The following C3orf52 variants were observed in gnomAD, a reference collection of about 807,000 sequenced individuals.
C3orf52 encodes the protein TPA-induced transmembrane protein.
A neutral mutation model predicts 24.8 loss-of-function variants in C3orf52; 22 were observed. The observed-to-expected ratio is 0.89, with a 90% CI of 0.63 to 1.27. C3orf52 has a LOEUF of 1.27. Ranked by LOEUF, C3orf52 falls within the 50% of genes most tolerant of loss-of-function variation. C3orf52 has a pLI of 0.00. For synonymous variants in C3orf52, 93 were observed against 100.2 expected, an observed-to-expected ratio of 0.93 and a Z score of 0.43; for missense variants, 265 against 260.7, an observed-to-expected ratio of 1.02 and a Z score of -0.11.
At chr3:112,088,292 G>C (rs915262326) in intron 1 of C3orf52, among the ~76,000 whole-genome samples, 1 of 152,180 alleles carries the variant, frequency 6.6e-6, no homozygotes, top group African/African-American at 2.4e-5. Context: ...GTGTATTTCA[G>C]TTAGAAAAGT....
chr3:112,127,825 G>A (rs2074363841), intron 4 of C3orf52, among the ~76,000 whole-genome samples: 1 of 152,114 alleles, frequency 6.6e-6, no homozygotes, highest in Non-Finnish European at 1.5e-5. Flanking sequence ...GAGAGCATGC[G>A]ACCCATGAGA....
intron 3 of C3orf52, among the ~76,000 whole-genome samples, chr3:112,104,492 C>T (rs2074006434): frequency 6.6e-6 from 1 of 152,180 alleles, no homozygotes; most frequent in Non-Finnish European, 1.5e-5. Flanking sequence ...ACATCAGAAT[C>T]AGTTTCTGGG....
intron 2 of C3orf52, among the ~76,000 whole-genome samples, chr3:112,094,967 T>G (rs1252451049): frequency 6.6e-6 from 1 of 152,160 alleles, no homozygotes; most frequent in African/African-American, 2.4e-5. Flanking sequence ...TTCTCAGGAA[T>G]TTTCCTCAGA....
intron 4 of C3orf52, chr3:112,126,917 CAT>C (rs2074333613): frequency 1.9e-6 from 2 of 1,056,576 alleles, no homozygotes; most frequent in Admixed American, 3.6e-5. Flanking sequence ...GCTTTGGGAA[CAT>C]AGAGAAGAAG....
At chr3:112,123,597 T>G in intron 4 of C3orf52, 1 of 1,614,098 alleles carries the variant, frequency 6.2e-7, no homozygotes, top group Non-Finnish European at 8.5e-7. Flanking sequence ...AGAAGGCATA[T>G]GTAGAAGTGA....
rs368126508 is a variant in C3orf52 at position 112,109,580 on chromosome 3, G to C, written c.434G>C (p.Arg145Pro). Residue 145 changes from arginine to proline, a missense_variant, in exon 4 of 6, where the codon CGT (arginine) becomes CCT (proline). By Grantham distance (103) the Arg-to-Pro change is moderately radical. Coordinates refer to ENST00000264848, the MANE Select transcript of C3orf52 (RefSeq NM_024616.3). ...TACAGTACATCGCCCTCTCTGGGTC[G>C]TTATTTTACTTCAGTTGAAATAGTG... ...DVYSTSPSLG[R>P]YFTSVEIVDF... 6.2e-7 allele frequency: 1 copy of C among 1,602,824 alleles called. No individual in the cohort carries two copies. Among genetic ancestry groups the C allele is most frequent in the African/African-American group, 1.3e-5 (1 of 74,648 alleles).
intron 2 of C3orf52, among the ~76,000 whole-genome samples, chr3:112,100,502 C>A (rs2073963079): frequency 6.6e-6 from 1 of 152,146 alleles, no homozygotes; most frequent in Non-Finnish European, 1.5e-5. Flanking sequence ...GGTACAGATT[C>A]ATGATTTGAA....
Position 112,117,284 on chromosome 3 carries a change from A to C in C3orf52, c.*638A>C, listed in dbSNP as rs1032891775. 2.7e-6 allele frequency: 1 copy of C among 367,550 alleles called. No individual in the cohort carries two copies. The highest frequency in any genetic ancestry group is 2.0e-5 in the African/African-American group (1 of 49,602). The allele number at this position is 367,550 out of a possible 1,614,324, so 22.8% of individuals were successfully genotyped here. On this transcript the variant is annotated 3_prime_UTR_variant, in exon 6 of 6. Coordinates refer to ENST00000264848, the MANE Select transcript of C3orf52 (RefSeq NM_024616.3). ...ACCTCAGCAGTGTGGTTCTGTGTCT[A>C]CTTCCATGACCTGTACCTGAGTATC...
downstream of C3orf52, among the ~76,000 whole-genome samples, chr3:112,119,848 G>GCAAC (rs2074171568): frequency 6.6e-6 from 1 of 152,204 alleles, no homozygotes; most frequent in African/African-American, 2.4e-5. Flanking sequence ...CTCACAGTTG[G>GCAAC]GAAATCAAAT....
At chr3:112,113,730 A>T (rs74504939) in intron 5 of C3orf52, among the ~76,000 whole-genome samples, 1 of 152,202 alleles carries the variant, frequency 6.6e-6, no homozygotes, top group African/African-American at 2.4e-5. Context: ...AAGGAAATAG[A>T]TATGTTCTTT....
rs959062757 is a variant in C3orf52 at position 112,117,348 on chromosome 3, T to G, written c.*702T>G. 2 of 215,060 alleles carry G rather than the reference T, an allele frequency of 9.3e-6. No individual in the cohort carries two copies. The highest frequency in any genetic ancestry group is 4.6e-5 in the African/African-American group (2 of 43,860). 13.3% of individuals were successfully genotyped at this position (215,060 alleles called of 1,614,324 possible). On this transcript the variant is annotated 3_prime_UTR_variant, in exon 6 of 6. Coordinates refer to ENST00000264848, the MANE Select transcript of C3orf52 (RefSeq NM_024616.3). ...CTTAGGAACACCACCAAGGTTACTT[T>G]GAAATCTATGTATATAGCTAGTTAC...
At chr3:112,131,458 T>C (rs2074449890), downstream of C3orf52, among the ~76,000 whole-genome samples, 1 of 152,200 alleles carries the variant, frequency 6.6e-6, no homozygotes, top group Non-Finnish European at 1.5e-5. Context: ...TACAAGACTT[T>C]TGAATACGTT....
chr3:112,093,228 TGA>T, intron 1 of C3orf52, 130 bp from the exon 2 acceptor site: 1 of 823,708 alleles, frequency 1.2e-6, no homozygotes, highest in Non-Finnish European at 1.8e-6. Flanking sequence ...TTTGAAAACT[TGA>T]TTCAGTAGAG....
chr3:112,106,275 C>CAA (rs2074023881), intron 3 of C3orf52, among the ~76,000 whole-genome samples: 1 of 145,764 alleles, frequency 6.9e-6, no homozygotes, highest in Non-Finnish European at 1.5e-5. Flanking sequence ...TTTTTTTTTT[C>CAA]TCCAGACAGT....
At chr3:112,114,756 T>A (rs1053757569) in intron 5 of C3orf52, among the ~76,000 whole-genome samples, 8 of 152,144 alleles carry the variant, frequency 5.3e-5, no homozygotes, top group Non-Finnish European at 1.0e-4. Context: ...TGAAGAGGCC[T>A]GCGATGCCTG....
At chr3:112,114,169 A>G (rs1157705724) in intron 5 of C3orf52, among the ~76,000 whole-genome samples, 2 of 152,188 alleles carry the variant, frequency 1.3e-5, no homozygotes, top group African/African-American at 2.4e-5. Context: ...GGTGTTTATT[A>G]TGATGATGAC....
At chr3:112,107,521 C>T (rs759822617) in intron 3 of C3orf52, among the ~76,000 whole-genome samples, 21 of 152,210 alleles carry the variant, frequency 1.4e-4, no homozygotes, top group Non-Finnish European at 2.9e-5. Flanking sequence ...CTTCTTTCCT[C>T]CTTGATATTC....
At chr3:112,115,384 A>T (rs756593339) in intron 5 of C3orf52, among the ~76,000 whole-genome samples, 4 of 152,188 alleles carry the variant, frequency 2.6e-5, no homozygotes, top group Non-Finnish European at 5.9e-5. Flanking sequence ...ACCAAGAGGG[A>T]TGGAATGAGT....
chr3:112,090,735 G>A (rs1184497881), intron 1 of C3orf52, among the ~76,000 whole-genome samples: 2 of 152,124 alleles, frequency 1.3e-5, no homozygotes, highest in Non-Finnish European at 2.9e-5. Flanking sequence ...ATAAATAAAG[G>A]CATGAGAGGC....
Sources: gnomAD v4.1 joint callset for allele counts (sites outside exome capture counted in the v4.1 genomes callset) on GRCh38, gnomAD v4.1.1 for gene constraint, MANE v1.5 for transcripts, NCBI Gene and HGNC (gene_info 2026-07-23, HGNC 2026-07-21) for gene names.